Variants in GLIS3 observed in about 807,000 individuals in gnomAD.
The protein encoded by GLIS3 is zinc finger protein GLIS3.
Under a neutral mutation model 78.6 loss-of-function variants are expected in GLIS3, and 53 were observed. The ratio of observed to expected loss-of-function variants is 0.67; its 90% CI spans 0.54 to 0.85. GLIS3 has a LOEUF of 0.85. GLIS3 is among the 40% of genes least tolerant of loss of function. GLIS3 has a pLI of 0.00. For missense variants in GLIS3, 1,703 were observed against 1,231.1 expected (o/e 1.38, Z -5.74); for synonymous variants, 684 against 509.9 (o/e 1.34, Z -4.60).
At chr9:4,192,846 A>G (rs1469925145) in intron 2 of GLIS3, among the ~76,000 whole-genome samples, 2 of 152,168 alleles carry the variant, frequency 1.3e-5, no homozygotes, top group Non-Finnish European at 1.5e-5. Flanking sequence ...GAAGAGAGAT[A>G]AAGAAAGAGA....
intron 2 of GLIS3, among the ~76,000 whole-genome samples, chr9:4,329,597 C>T (rs895569116): frequency 6.6e-6 from 1 of 152,098 alleles, no homozygotes; most frequent in Non-Finnish European, 1.5e-5. Flanking sequence ...AAGTACAGCA[C>T]AACCCCACCC....
the GLIS3 span, among the ~76,000 whole-genome samples, chr9:4,481,534 G>C: frequency 6.6e-6 from 1 of 151,716 alleles, no homozygotes; most frequent in African/African-American, 2.4e-5. Context: ...GTGTGTGTGT[G>C]TGTGTGTGTA....
At chr9:4,250,883 C>G (rs576701788) in intron 2 of GLIS3, among the ~76,000 whole-genome samples, 2 of 152,296 alleles carry the variant, frequency 1.3e-5, no homozygotes, top group South Asian at 2.1e-4. Flanking sequence ...AGTAGTCATT[C>G]AGGAGCAGGT....
chr9:4,126,233 A>AAAGGGTT (rs1447237971), intron 2 of GLIS3, among the ~76,000 whole-genome samples: 3 of 152,216 alleles, frequency 2.0e-5, no homozygotes, highest in African/African-American at 7.2e-5. Context: ...ATCCTTACCT[A>AAAGGGTT]AAGGGTTAAG....
chr9:4,401,235 A>C, the GLIS3 span, among the ~76,000 whole-genome samples: 1 of 152,130 alleles, frequency 6.6e-6, no homozygotes, highest in Admixed American at 6.5e-5. Flanking sequence ...AACTGACAGA[A>C]GAGATCTTGG....
the GLIS3 span, among the ~76,000 whole-genome samples, chr9:4,473,460 C>CAAAAAAAAAAAAAAAAAAAAAAAA: frequency 7.6e-6 from 1 of 131,288 alleles, no homozygotes; most frequent in Admixed American, 8.2e-5. Flanking sequence ...ACAACAACAA[C>CAAAAAAAAAAAAAAAAAAAAAAAA]AAAAAAAAAG....
intron 4 of GLIS3, among the ~76,000 whole-genome samples, chr9:3,989,653 T>C (rs1820060188): frequency 1.3e-5 from 2 of 152,176 alleles, no homozygotes; most frequent in Non-Finnish European, 2.9e-5. Context: ...TATGAGTCCA[T>C]GTATGCAACA....
At chr9:4,114,558 G>A (rs374308043) in intron 4 of GLIS3, among the ~76,000 whole-genome samples, 1 of 152,176 alleles carries the variant, frequency 6.6e-6, no homozygotes, top group Admixed American at 6.5e-5. Flanking sequence ...GTTGCAGTTG[G>A]TCTAAGCTCA....
At chr9:4,208,859 G>C (rs1466291843) in intron 2 of GLIS3, among the ~76,000 whole-genome samples, 1 of 152,266 alleles carries the variant, frequency 6.6e-6, no homozygotes, top group Middle Eastern at 3.4e-3. Flanking sequence ...CAGAGGAGGT[G>C]AATCTGTGGC....
intron 4 of GLIS3, among the ~76,000 whole-genome samples, chr9:4,074,625 C>T (rs1034069309): frequency 6.6e-6 from 1 of 152,156 alleles, no homozygotes; most frequent in Non-Finnish European, 1.5e-5. Flanking sequence ...AGGAGATGTG[C>T]TTTCCCTATT....
intron 2 of GLIS3, among the ~76,000 whole-genome samples, chr9:4,197,343 C>T (rs936783334): frequency 6.6e-6 from 1 of 152,184 alleles, no homozygotes; most frequent in South Asian, 2.1e-4. Context: ...CTAAACTGCC[C>T]TACCCTCCTT....
chr9:4,177,777 T>C (rs1482393598), intron 2 of GLIS3, among the ~76,000 whole-genome samples: 2 of 152,220 alleles, frequency 1.3e-5, no homozygotes, highest in South Asian at 2.1e-4. Context: ...GGTATTTTTT[T>C]TCTTTCTGAA....
At chr9:4,134,128 T>A (rs1291624933) in intron 2 of GLIS3, among the ~76,000 whole-genome samples, 1 of 152,168 alleles carries the variant, frequency 6.6e-6, no homozygotes, top group Non-Finnish European at 1.5e-5. Flanking sequence ...CATACCCTTT[T>A]ACTGTGCAAA....
chr9:4,025,105 A>C (rs1823218883), intron 4 of GLIS3, among the ~76,000 whole-genome samples: 1 of 152,062 alleles, frequency 6.6e-6, no homozygotes, highest in Non-Finnish European at 1.5e-5. Context: ...ACAAAAAATT[A>C]GCCAAGCGTG....
At chr9:4,328,849 A>C (rs1431932647) in intron 2 of GLIS3, among the ~76,000 whole-genome samples, 2 of 152,244 alleles carry the variant, frequency 1.3e-5, no homozygotes, top group African/African-American at 4.8e-5. Context: ...ACAAGCATCC[A>C]ATAAATGTTC....
intron 9 of GLIS3, among the ~76,000 whole-genome samples, chr9:3,842,037 T>C (rs544848588): frequency 3.5e-4 from 54 of 152,330 alleles, no homozygotes; most frequent in African/African-American, 1.3e-3. Context: ...TCTTTCCAAC[T>C]AAGCTTTGCT....
At chr9:4,207,636 T>C (rs1008983626) in intron 2 of GLIS3, among the ~76,000 whole-genome samples, 8 of 152,178 alleles carry the variant, frequency 5.3e-5, no homozygotes, top group Non-Finnish European at 8.8e-5. Context: ...GCCCATACTA[T>C]GTGTGACATA....
chr9:4,435,810 G>A, the GLIS3 span, among the ~76,000 whole-genome samples: 24 of 152,126 alleles, frequency 1.6e-4, no homozygotes, highest in Admixed American at 6.5e-4. Flanking sequence ...TTAGCCGGGC[G>A]TGGTGGCAGG....
intron 4 of GLIS3, among the ~76,000 whole-genome samples, chr9:4,040,200 C>G (rs1209795297): frequency 6.6e-6 from 1 of 151,710 alleles, no homozygotes; most frequent in Non-Finnish European, 1.5e-5. Flanking sequence ...ACATGTAAAT[C>G]ACAGCCTTGG....
Sources: gnomAD v4.1 joint callset for allele counts (sites outside exome capture counted in the v4.1 genomes callset) on GRCh38, gnomAD v4.1.1 for gene constraint, MANE v1.5 for transcripts, NCBI Gene and HGNC (gene_info 2026-07-23, HGNC 2026-07-21) for gene names.